Variants in CFI observed in about 807,000 individuals in gnomAD.
CFI encodes the protein complement factor I, also known as C3B/C4B inactivator.
A neutral mutation model predicts 78.8 loss-of-function variants in CFI; 66 were observed. That is an observed-to-expected ratio of 0.84 (90% confidence interval 0.69 to 1.03). CFI has a LOEUF of 1.03. Ranked by LOEUF, CFI falls within the 50% of genes least tolerant of loss-of-function variation. The pLI, the probability that CFI is intolerant of heterozygous loss-of-function variation, is 0.00. For missense variants in CFI, 706 were observed against 704.5 expected (o/e 1.00, Z -0.02); for synonymous variants, 250 against 232.6 (o/e 1.07, Z -0.68).
intron 1 of CFI, among the ~76,000 whole-genome samples, chr4:109,797,211 A>T (rs973906104): frequency 3.3e-5 from 5 of 152,208 alleles, no homozygotes; most frequent in African/African-American, 1.2e-4. Flanking sequence ...ACAATATGGT[A>T]CTCTCATAAA....
In CFI at chr4:109,790,336, A is replaced by G. The variant is rs184073320; in HGVS notation, c.57+11579T>C. Among the ~76,000 whole-genome samples the G allele has an allele frequency of 2.1e-3, 315 of 151,842 alleles. 3 individuals are homozygous for G. Among genetic ancestry groups the G allele is most frequent in the Non-Finnish European group, 1.6e-3 (111 of 67,878 alleles). On this transcript the variant is annotated intron_variant, in intron 1 of 12. Transcript: ENST00000394634. The stretch of plus-strand genomic sequence containing the variant: ...TAATCTTTATTCTATTTTTTCTTCT[A>G]GCTTTGGGTTTAGTTTGCTCTTCCT...
downstream of CFI, among the ~76,000 whole-genome samples, chr4:109,737,538 A>G (rs1325250868): frequency 6.6e-6 from 1 of 152,240 alleles, no homozygotes; most frequent in Admixed American, 6.5e-5. Context: ...AGGGTTAAAT[A>G]TAAGACGATG....
intron 2 of CFI, among the ~76,000 whole-genome samples, chr4:109,765,832 G>A (rs1303529746): frequency 6.6e-6 from 1 of 152,062 alleles, no homozygotes; most frequent in Non-Finnish European, 1.5e-5. Context: ...GAAATTATTG[G>A]GGTAGGCCAC....
Position 109,746,274 on chromosome 4 carries a change from G to A in CFI, c.1377C>T (p.Tyr459=). 1 of 1,614,150 alleles carries A rather than the reference G, an allele frequency of 6.2e-7. No homozygotes were observed. The highest frequency in any genetic ancestry group is 8.5e-7 in the Non-Finnish European group (1 of 1,180,022). ...TGCATGTATCATTAGGTTGGAATAG[G>A]TAAGGAGACCAGGGGACACAGGCAG... ...SIPACVPWSP[Y]LFQPNDTCIV... is the part of the protein sequence containing the mutation. The change falls in exon 11 of 13, where the codon TAC becomes TAT. Residue 459 remains tyrosine, a synonymous_variant. Coordinates refer to ENST00000394634, the MANE Select transcript of CFI (RefSeq NM_000204.5).
At chr4:109,790,297 T>C (rs1731221916) in intron 1 of CFI, among the ~76,000 whole-genome samples, 1 of 152,066 alleles carries the variant, frequency 6.6e-6, no homozygotes, top group South Asian at 2.1e-4. Context: ...ACTATATATT[T>C]TTTGTTTCTA....
chr4:109,742,526 C>T lies in CFI; in HGVS notation c.1499G>A (p.Gly500Glu). Reference protein sequence around the residue: ...KLISNCSKFYGNRFYEKEMEC... With the variant: ...KLISNCSKFYENRFYEKEMEC... Reference sequence around the variant, plus strand: ...CATTTCTTTTTCATAGAAACGATTTCCGTAAAACTTAGAGCAGTTGCTTAT... The same window carrying T: ...CATTTCTTTTTCATAGAAACGATTTTCGTAAAACTTAGAGCAGTTGCTTAT... Residue 500 changes from glycine to glutamate, a missense_variant, in exon 12 of 13, where the codon GGA becomes GAA. Coordinates refer to ENST00000394634, the MANE Select transcript of CFI (RefSeq NM_000204.5). 8.1e-6 allele frequency: 13 copies of T among 1,613,678 alleles called. No individual in the cohort carries two copies. Among genetic ancestry groups the T allele is most frequent in the Non-Finnish European group, 1.1e-5 (13 of 1,179,622 alleles).
At chr4:109,800,234 A>G (rs906130954) in intron 1 of CFI, among the ~76,000 whole-genome samples, 3 of 151,536 alleles carry the variant, frequency 2.0e-5, no homozygotes, top group Admixed American at 2.0e-4. Flanking sequence ...ATTTTAGGGT[A>G]AAATAAAATT....
chr4:109,762,338 A>C (rs921366306), intron 3 of CFI: 13 of 152,600 alleles, frequency 8.5e-5, no homozygotes, highest in African/African-American at 2.6e-4. Flanking sequence ...TTTTGCTTTT[A>C]CAGTAAGCTA....
At position 109,742,483 on chromosome 4, in the gene CFI, G is replaced by A. The variant is rs1383097644; in HGVS notation, c.1534+8C>T. On this transcript the variant is annotated splice_region_variant and intron_variant, in intron 12 of 12. Coordinates refer to ENST00000394634, the MANE Select transcript of CFI (RefSeq NM_000204.5). ...CTTGACATCTTGGATAAACCACTTG[G>A]CACTTACCTGCACATTCCATTTCTT... 1 of 1,564,404 alleles carries A rather than the reference G, an allele frequency of 6.4e-7. No homozygotes were observed. Among genetic ancestry groups the A allele is most frequent in the Non-Finnish European group, 8.8e-7 (1 of 1,134,808 alleles).
Position 109,786,560 on chromosome 4 carries a change from A to G in CFI, c.57+15355T>C, listed in dbSNP as rs1458067605. Among the ~76,000 whole-genome samples, 4 of 152,094 alleles carry G rather than the reference A, an allele frequency of 2.6e-5. No homozygotes were observed. The East Asian group carries it at 7.8e-4, about 29-fold the overall frequency. ...GCCCTGTTTTGCCTGTCTTTTCCAT[A>G]TTTAACCTATAAACAAGAAAAACAC... On this transcript the variant is annotated intron_variant, in intron 1 of 12. Coordinates refer to ENST00000394634, the MANE Select transcript of CFI (RefSeq NM_000204.5).
At chr4:109,800,334 T>C (rs1290994842) in intron 1 of CFI, among the ~76,000 whole-genome samples, 1 of 135,644 alleles carries the variant, frequency 7.4e-6, no homozygotes, top group African/African-American at 2.9e-5. Flanking sequence ...TTTTTTTTTT[T>C]TTTTTTTTTT....
chr4:109,772,785 T>G (rs960060370), intron 1 of CFI, among the ~76,000 whole-genome samples: 1 of 152,298 alleles, frequency 6.6e-6, no homozygotes, highest in Admixed American at 6.5e-5. Context: ...GGCCTCACTA[T>G]GTTGCCCAGG....
At chr4:109,785,003 T>G (rs1264739887) in intron 1 of CFI, among the ~76,000 whole-genome samples, 1 of 152,108 alleles carries the variant, frequency 6.6e-6, no homozygotes, top group Non-Finnish European at 1.5e-5. Context: ...GATAATGTAC[T>G]TTGTGATATT....
At chr4:109,731,904 A>G in the CFI span, among the ~76,000 whole-genome samples, 1 of 152,228 alleles carries the variant, frequency 6.6e-6, no homozygotes, top group African/African-American at 2.4e-5. Flanking sequence ...TACATTTTAA[A>G]AAGGGAACTT....
chr4:109,794,854 C>T (rs937425595), intron 1 of CFI, among the ~76,000 whole-genome samples: 3 of 152,018 alleles, frequency 2.0e-5, no homozygotes, highest in Non-Finnish European at 2.9e-5. Context: ...ATCAGGGTTT[C>T]CTGTAGCTCT....
chr4:109,742,844 A>C (rs1423606430), intron 11 of CFI, among the ~76,000 whole-genome samples: 2 of 152,194 alleles, frequency 1.3e-5, no homozygotes, highest in Non-Finnish European at 1.5e-5. Flanking sequence ...TGGTACCTTA[A>C]GTTGAATGAG....
At chr4:109,777,412 G>C (rs929680480) in intron 1 of CFI, among the ~76,000 whole-genome samples, 9 of 152,206 alleles carry the variant, frequency 5.9e-5, no homozygotes, top group Admixed American at 5.9e-4. Flanking sequence ...TAAAGGGATC[G>C]ATTCAACAAG....
rs753060374 is a variant in CFI, at chr4:109,761,645, T to A, written c.530A>T (p.Asn177Ile). 4.7e-5 allele frequency: 76 copies of A among 1,613,842 alleles called. No homozygotes were observed. The highest frequency in any genetic ancestry group is 6.7e-5 in the Admixed American group (4 of 60,026). ...RRFKLSDLSI[N>I]STECLHVHCR... ...ATGCACATGTAGACATTCAGTGGAA[T>A]TTATAGAGAGATCAGACAACTTAAA... is the stretch of plus-strand genomic sequence containing the variant. The change falls in exon 4 of 13, where the codon AAT becomes ATT. Residue 177 changes from asparagine to isoleucine, a missense_variant. Transcript: ENST00000394634.
At chr4:109,754,983 GTTC>G in intron 7 of CFI, among the ~76,000 whole-genome samples, 1 of 152,312 alleles carries the variant, frequency 6.6e-6, no homozygotes, top group East Asian at 1.9e-4. Flanking sequence ...CATGGATAGA[GTTC>G]ACAGATGAGA....
Sources: allele counts gnomAD v4.1 joint callset (sites outside exome capture counted in the v4.1 genomes callset), GRCh38; gene constraint gnomAD v4.1.1; transcripts MANE v1.5; gene names NCBI Gene and HGNC (gene_info 2026-07-23, HGNC 2026-07-21).